NUP133: variants seen among roughly 807,000 people sequenced by gnomAD.
The protein encoded by NUP133 is nucleoporin 133.
Under a neutral mutation model 146.2 loss-of-function variants are expected in NUP133, and 66 were observed. The ratio of observed to expected loss-of-function variants is 0.45; its 90% CI spans 0.37 to 0.55. The LOEUF is 0.55. Among genes scored for constraint, NUP133 ranks in the 20% least tolerant of loss-of-function variants. The probability of loss-of-function intolerance (pLI) is 0.00; values close to 1 mark genes in which losing one functional copy is unlikely to be tolerated. For synonymous variants in NUP133, 521 were observed against 498.8 expected (o/e 1.04, Z -0.59); for missense variants, 1,277 against 1,374.8 (o/e 0.93, Z 1.12).
intron 24 of NUP133, 41 bp from the exon 25 acceptor site, chr1:229,445,043 GAT>G: frequency 7.6e-7 from 1 of 1,317,312 alleles, no homozygotes; most frequent in Non-Finnish European, 1.1e-6. Flanking sequence ...TGAAATCACT[GAT>G]ATAGCTGAAT....
intron 24 of NUP133, among the ~76,000 whole-genome samples, chr1:229,445,290 T>G (rs1301372719): frequency 6.6e-6 from 1 of 152,196 alleles, no homozygotes; most frequent in African/African-American, 2.4e-5. Flanking sequence ...TCAATATAAC[T>G]CTTACCTATT....
chr1:229,476,766 A>G (rs1011656717), intron 13 of NUP133, among the ~76,000 whole-genome samples: 1 of 152,076 alleles, frequency 6.6e-6, no homozygotes, highest in Non-Finnish European at 1.5e-5. Flanking sequence ...TCTACTAAAA[A>G]TACAAAAATT....
chr1:229,490,207 G>T, intron 8 of NUP133, 105 bp from the exon 9 acceptor site: 1 of 958,488 alleles, frequency 1.0e-6, no homozygotes, highest in Non-Finnish European at 1.4e-6. Context: ...TCCCATTCGT[G>T]GACACCTATC....
chr1:229,449,875 T>TATATATA (rs1558088585), intron 23 of NUP133, among the ~76,000 whole-genome samples: 7,944 of 64,168 alleles, frequency 0.12, 390 homozygotes, highest in Middle Eastern at 0.26. Context: ...ATATATATAT[T>TATATATA]TTTTTTTTTT....
intron 14 of NUP133, 112 bp from the exon 15 acceptor site, chr1:229,470,916 C>T: frequency 1.3e-6 from 1 of 797,404 alleles, no homozygotes; most frequent in Non-Finnish European, 2.0e-6. Context: ...CCAGCTTTCC[C>T]CCAGCAAGTC....
chr1:229,440,974 G>A lies in NUP133; in HGVS notation c.*930C>T, dbSNP rs1660170116. ...TGGGCATTCTACTGGGCCAAGCCGC[G>A]GACATGCCAGCAACTCCCTGTCCAA... On this transcript the variant is annotated 3_prime_UTR_variant, in exon 26 of 26. Transcript: ENST00000261396. 1 of 157,196 alleles carries A rather than the reference G, an allele frequency of 6.4e-6. No homozygotes were observed. Among genetic ancestry groups the A allele is most frequent in the Non-Finnish European group, 1.4e-5 (1 of 71,234 alleles). 9.7% of individuals were successfully genotyped at this position (157,196 alleles called of 1,614,324 possible). A position where few individuals can be genotyped will look rare whatever the true frequency, so the allele number is the denominator to read the frequency against.
chr1:229,503,047 C>A (rs1235555917), intron 2 of NUP133, among the ~76,000 whole-genome samples: 1 of 151,954 alleles, frequency 6.6e-6, no homozygotes, highest in South Asian at 2.1e-4. Context: ...GTGGGTGGAT[C>A]ATGAGGTCAG....
At chr1:229,500,632 TACC>T (rs1445547871) in intron 4 of NUP133, 121 bp downstream of exon 4, 3 of 578,436 alleles carry the variant, frequency 5.2e-6, no homozygotes, top group Non-Finnish European at 6.1e-6. Context: ...TCTTTGCCAA[TACC>T]ACAATATCTT....
In NUP133 at chr1:229,490,069, G is replaced by A. The variant is rs761263051; in HGVS notation, c.1080C>T (p.His360=). The A allele has an allele frequency of 6.3e-7, 1 of 1,599,762 alleles. No homozygotes were observed. The highest frequency in any genetic ancestry group is 2.2e-5 in the East Asian group (1 of 44,494). The change falls in exon 9 of 26, where the codon CAC becomes CAT. Residue 360 remains histidine, a synonymous_variant. Transcript: ENST00000261396. The stretch of plus-strand genomic sequence containing the variant: ...AGATGAGACATGGATTGTCTGCTGA[G>A]TGCCATGCTGCTGCCAAAATCACCA... ...DGLVILAAAW[H]SADNPCLIYY...
chr1:229,453,513 ACTGCAATAGGAAATTTACTTTTTG>A (rs1276407104), intron 21 of NUP133, among the ~76,000 whole-genome samples: 11 of 152,214 alleles, frequency 7.2e-5, no homozygotes, highest in Non-Finnish European at 1.6e-4. Context: ...ATCACTTCTT[ACTGCAATAGGAAATTTACTTTTTG>A]CTGCAATAGG....
intron 9 of NUP133, among the ~76,000 whole-genome samples, 163 bp from the exon 10 acceptor site, chr1:229,487,776 G>A (rs1257430342): frequency 1.3e-5 from 2 of 151,260 alleles, no homozygotes; most frequent in South Asian, 2.1e-4. Context: ...ACATGACAGA[G>A]TAAGTTTATA....
rs748645623 is a variant in NUP133 at position 229,441,973 on chromosome 1, T to C, written c.3402A>G (p.Leu1134=). The part of the protein sequence containing the change: ...DLLQADQLGS[L]KSNPYFEFVL... ...CAAACTCGAAGTAAGGATTGGACTTTAAGCTTCCAAGCTGATCCGCTTGTA... is the reference window on the plus strand; with the variant it reads ...CAAACTCGAAGTAAGGATTGGACTTCAAGCTTCCAAGCTGATCCGCTTGTA... The change falls in exon 26 of 26, where the codon TTA becomes TTG. Residue 1134 remains leucine, a synonymous_variant. Coordinates refer to ENST00000261396, the MANE Select transcript of NUP133 (RefSeq NM_018230.3). The C allele has an allele frequency of 2.5e-6, 4 of 1,593,518 alleles. No individual in the cohort carries two copies. The South Asian group carries it at 4.6e-5, about 18-fold the overall frequency.
intron 8 of NUP133, among the ~76,000 whole-genome samples, chr1:229,491,288 A>G (rs957848115): frequency 3.3e-5 from 5 of 152,230 alleles, no homozygotes; most frequent in Admixed American, 3.3e-4. Flanking sequence ...AAGGTTTGCC[A>G]ATCCCTGATG....
In NUP133 at chr1:229,441,072, G is replaced by GT; in HGVS notation, c.*831dup. The GT allele has an allele frequency of 8.5e-6, 2 of 236,440 alleles. No individual in the cohort carries two copies. The highest frequency in any genetic ancestry group is 1.7e-5 in the Non-Finnish European group (2 of 116,626). 14.6% of individuals were successfully genotyped at this position (236,440 alleles called of 1,614,324 possible). On this transcript the variant is annotated 3_prime_UTR_variant, in exon 26 of 26. Transcript: ENST00000261396. ...CACTGGTCAGGACAAAGCTCTGAGAGTACAGTACCTTTCAGTCACATCAAT... is the reference window on the plus strand; with the variant it reads ...CACTGGTCAGGACAAAGCTCTGAGAGTTACAGTACCTTTCAGTCACATCAAT...
chr1:229,494,055 G>A (rs1325961480), intron 8 of NUP133, among the ~76,000 whole-genome samples: 6 of 152,016 alleles, frequency 3.9e-5, no homozygotes, highest in Non-Finnish European at 5.9e-5. Context: ...CGCTTGAACC[G>A]GGAGGCAAAG....
chr1:229,506,678 G>A (rs1008874542), intron 1 of NUP133, among the ~76,000 whole-genome samples: 1 of 151,812 alleles, frequency 6.6e-6, no homozygotes, highest in Non-Finnish European at 1.5e-5. Flanking sequence ...AGGCCGAAGC[G>A]GGAAGACTGC....
chr1:229,486,296 T>TAGGC, intron 11 of NUP133, 75 bp downstream of exon 11: 1 of 1,350,846 alleles, frequency 7.4e-7, no homozygotes, highest in South Asian at 1.5e-5. Context: ...CACTCTAGCC[T>TAGGC]GGGTGACAGC....
At chr1:229,456,575 G>A (rs1003390585) in intron 21 of NUP133, among the ~76,000 whole-genome samples, 21 of 152,062 alleles carry the variant, frequency 1.4e-4, no homozygotes, top group Admixed American at 4.6e-4. Flanking sequence ...GGCCCAATAA[G>A]ACTCTCCAAG....
chr1:229,502,811 A>AG (rs1307719018), intron 2 of NUP133, among the ~76,000 whole-genome samples: 1 of 151,220 alleles, frequency 6.6e-6, no homozygotes, highest in East Asian at 1.9e-4. Flanking sequence ...AAAAAAAAAA[A>AG]AAAATAGCCA....
Sources: allele counts gnomAD v4.1 joint callset (sites outside exome capture counted in the v4.1 genomes callset), GRCh38; gene constraint gnomAD v4.1.1; transcripts MANE v1.5; gene names NCBI Gene and HGNC (gene_info 2026-07-23, HGNC 2026-07-21).